The following AKT3 variants were observed in gnomAD, a reference collection of about 807,000 sequenced individuals.
AKT3 encodes the protein RAC-gamma serine/threonine-protein kinase.
In AKT3, 15 loss-of-function variants were observed where a neutral mutation model predicts 65.3. The observed-to-expected ratio is 0.23, with a 90% CI of 0.15 to 0.35. The LOEUF (loss-of-function observed/expected upper bound fraction) is 0.35. Ranked by LOEUF, AKT3 falls within the 10% of genes least tolerant of loss-of-function variation. The pLI, the probability that AKT3 is intolerant of heterozygous loss-of-function variation, is 1.00. For synonymous variants in AKT3, 206 were observed against 183.8 expected (o/e 1.12, Z -0.98); for missense variants, 243 against 576.5 (o/e 0.42, Z 5.92).
intron 2 of AKT3, among the ~76,000 whole-genome samples, chr1:243,706,766 C>T (rs1685832623): frequency 6.6e-6 from 1 of 152,194 alleles, no homozygotes; most frequent in African/African-American, 2.4e-5. Flanking sequence ...AGGCACTGTG[C>T]TCAGGCTTCA....
At chr1:243,736,817 A>G (rs1212473661) in intron 2 of AKT3, among the ~76,000 whole-genome samples, 2 of 152,160 alleles carry the variant, frequency 1.3e-5, no homozygotes, top group African/African-American at 4.8e-5. Context: ...CTTCATCCAG[A>G]TGTATGCCAC....
chr1:243,746,111 G>A (rs1362717295), intron 2 of AKT3, among the ~76,000 whole-genome samples: 1 of 151,992 alleles, frequency 6.6e-6, no homozygotes, highest in Non-Finnish European at 1.5e-5. Context: ...ACTTTGCTTT[G>A]TTTCTGTTTC....
At chr1:243,753,392 TAC>T (rs1192854474) in intron 2 of AKT3, among the ~76,000 whole-genome samples, 1 of 152,198 alleles carries the variant, frequency 6.6e-6, no homozygotes, top group Non-Finnish European at 1.5e-5. Flanking sequence ...TTCACTTTCC[TAC>T]AGTTTCTTCC....
chr1:243,557,842 A>T (rs895826336), intron 10 of AKT3, among the ~76,000 whole-genome samples: 1 of 152,000 alleles, frequency 6.6e-6, no homozygotes, highest in Non-Finnish European at 1.5e-5. Context: ...TATCATATGA[A>T]TTATCAATAA....
intron 4 of AKT3, among the ~76,000 whole-genome samples, chr1:243,652,203 A>G (rs1325951166): frequency 6.6e-6 from 1 of 151,908 alleles, no homozygotes; most frequent in Admixed American, 6.6e-5. Context: ...GTCTGCCCCC[A>G]TGCTTGGCTA....
At chr1:243,850,786 C>T (rs992420408), upstream of AKT3, among the ~76,000 whole-genome samples, 4 of 151,994 alleles carry the variant, frequency 2.6e-5, no homozygotes, top group African/African-American at 9.7e-5. Flanking sequence ...GCCCCCTCTC[C>T]TCTCGCGAGA....
Position 243,500,302 on chromosome 1 carries a change from A to ACAAT in AKT3, c.*4943_*4946dup, listed in dbSNP as rs71703794. 1.9e-3 allele frequency: 428 copies of ACAAT among 225,476 alleles called. 2 individuals carry two copies. Among genetic ancestry groups the ACAAT allele is most frequent in the Admixed American group, 2.9e-3 (51 of 17,886 alleles). The allele number at this position is 225,476 out of a possible 1,614,324, so 14.0% of individuals were successfully genotyped here. ...ATTTATTTATCGTCCTACTTTGTGCACAATCAATCAATCAGGAGACACCAG... is the reference window on the plus strand; with the variant it reads ...ATTTATTTATCGTCCTACTTTGTGCACAATCAATCAATCAATCAGGAGACACCAG... On this transcript the variant is annotated 3_prime_UTR_variant, in exon 14 of 14. Coordinates refer to ENST00000673466, the MANE Select transcript of AKT3 (RefSeq NM_005465.7).
intron 4 of AKT3, among the ~76,000 whole-genome samples, chr1:243,653,628 A>C (rs1681543938): frequency 6.6e-6 from 1 of 152,168 alleles, no homozygotes; most frequent in Non-Finnish European, 1.5e-5. Flanking sequence ...GGTGGTTGAC[A>C]ATGTTATTCT....
chr1:243,850,586 A>T (rs1377987058), upstream of AKT3, among the ~76,000 whole-genome samples: 2 of 146,818 alleles, frequency 1.4e-5, no homozygotes. Flanking sequence ...GCCGCCGCCG[A>T]TCGGTTCTCG....
intron 1 of AKT3, among the ~76,000 whole-genome samples, chr1:243,844,397 G>T (rs1695421304): frequency 6.6e-6 from 1 of 152,218 alleles, no homozygotes; most frequent in South Asian, 2.1e-4. Context: ...ACTTGGGAAA[G>T]ATACGTCACA....
At chr1:243,670,394 A>C (rs377404799) in intron 3 of AKT3, among the ~76,000 whole-genome samples, 1 of 152,198 alleles carries the variant, frequency 6.6e-6, no homozygotes, top group African/African-American at 2.4e-5. Context: ...TGATCGAGTA[A>C]ATAGAAAAAC....
intron 2 of AKT3, among the ~76,000 whole-genome samples, chr1:243,721,334 A>G (rs1027442965): frequency 1.3e-5 from 2 of 152,162 alleles, no homozygotes; most frequent in Non-Finnish European, 2.9e-5. Flanking sequence ...CTGAACAGAC[A>G]GGTCTTGGTG....
At chr1:243,771,992 A>C (rs1453999599) in intron 2 of AKT3, among the ~76,000 whole-genome samples, 2 of 152,252 alleles carry the variant, frequency 1.3e-5, no homozygotes, top group Non-Finnish European at 2.9e-5. Flanking sequence ...CCATATGTAG[A>C]AAGCTGAAAC....
intron 5 of AKT3, among the ~76,000 whole-genome samples, chr1:243,638,944 A>G (rs1163404624): frequency 6.6e-6 from 1 of 152,108 alleles, no homozygotes; most frequent in Non-Finnish European, 1.5e-5. Context: ...GTGAAACCAA[A>G]AGCTAGTTCT....
intron 8 of AKT3, among the ~76,000 whole-genome samples, chr1:243,592,909 G>A (rs1173020300): frequency 6.6e-6 from 1 of 152,154 alleles, no homozygotes; most frequent in Non-Finnish European, 1.5e-5. Flanking sequence ...AAAATGTATT[G>A]TAACAACAGT....
Position 243,502,603 on chromosome 1 carries a change from G to C in AKT3, c.*2646C>G, listed in dbSNP as rs1363284187. The stretch of plus-strand genomic sequence containing the variant: ...TATGGGCGACACAAGGGAAGTTTTA[G>C]AAATCTCCCTCTACACGCATTTCTG... On this transcript the variant is annotated 3_prime_UTR_variant, in exon 14 of 14. Transcript: ENST00000673466. 2 of 233,084 alleles carry C rather than the reference G, an allele frequency of 8.6e-6. No individual in the cohort carries two copies. Among genetic ancestry groups the C allele is most frequent in the African/African-American group, 4.4e-5 (2 of 45,320 alleles). The allele number at this position is 233,084 out of a possible 1,614,324, so 14.4% of individuals were successfully genotyped here.
intron 2 of AKT3, among the ~76,000 whole-genome samples, chr1:243,713,583 C>A (rs957897813): frequency 7.2e-5 from 11 of 151,802 alleles, no homozygotes; most frequent in Admixed American, 4.6e-4. Context: ...TCATTTTTTT[C>A]TTCTCCCTAT....
At chr1:243,604,178 A>C (rs1244983594) in intron 8 of AKT3, among the ~76,000 whole-genome samples, 3 of 152,180 alleles carry the variant, frequency 2.0e-5, no homozygotes, top group Non-Finnish European at 4.4e-5. Context: ...TCCAAGCATG[A>C]GCCACCACAT....
intron 8 of AKT3, among the ~76,000 whole-genome samples, chr1:243,592,334 CA>C (rs1293482423): frequency 1.1e-3 from 149 of 131,156 alleles, no homozygotes; most frequent in Middle Eastern, 4.0e-3. Context: ...GACTCCGTCT[CA>C]AAAAAAAAAA....
Sources: gnomAD v4.1 joint callset for allele counts (sites outside exome capture counted in the v4.1 genomes callset) on GRCh38, gnomAD v4.1.1 for gene constraint, MANE v1.5 for transcripts, NCBI Gene and HGNC (gene_info 2026-07-23, HGNC 2026-07-21) for gene names.